The following ANGPT1 variants were observed in gnomAD, a reference collection of about 807,000 sequenced individuals.
The protein encoded by ANGPT1 is angiopoietin-1.
Under a neutral mutation model 62.2 loss-of-function variants are expected in ANGPT1, and 17 were observed. The observed-to-expected ratio is 0.27, with a 90% CI of 0.19 to 0.41. The LOEUF (loss-of-function observed/expected upper bound fraction) is 0.41, where lower values mean the gene tolerates loss of function less well. ANGPT1 is among the 10% of genes least tolerant of loss of function. The probability of loss-of-function intolerance (pLI) is 1.00; values close to 1 mark genes in which losing one functional copy is unlikely to be tolerated. For synonymous variants in ANGPT1, 199 were observed against 198.9 expected, an observed-to-expected ratio of 1.00 and a Z score of 0.00; for missense variants, 478 against 594.9, an observed-to-expected ratio of 0.80 and a Z score of 2.04.
intron 1 of ANGPT1, among the ~76,000 whole-genome samples, chr8:107,404,028 G>A (rs1402833831): frequency 3.3e-5 from 5 of 152,074 alleles, no homozygotes; most frequent in Non-Finnish European, 5.9e-5. Context: ...TAATATATTG[G>A]ATATATTGCT....
chr8:107,377,292 T>A (rs1298142043), intron 1 of ANGPT1, among the ~76,000 whole-genome samples: 1 of 152,200 alleles, frequency 6.6e-6, no homozygotes, highest in Non-Finnish European at 1.5e-5. Flanking sequence ...ATACTGGACA[T>A]TTTTTGGTGC....
chr8:107,264,141 A>G (rs1813559187), intron 8 of ANGPT1, 80 bp downstream of exon 8: 1 of 1,498,982 alleles, frequency 6.7e-7, no homozygotes. Context: ...CCATAAGATC[A>G]TACTCCTTTC....
chr8:107,332,002 G>A (rs1022651406), intron 3 of ANGPT1, among the ~76,000 whole-genome samples: 1 of 152,160 alleles, frequency 6.6e-6, no homozygotes, highest in African/African-American at 2.4e-5. Context: ...TTAAGTCAGA[G>A]ATGGGCGGGT....
chr8:107,250,312 T>A lies in ANGPT1; in HGVS notation c.*1543A>T, dbSNP rs1453471534. On this transcript the variant is annotated 3_prime_UTR_variant, in exon 9 of 9. Transcript: ENST00000517746. Reference sequence around the variant, plus strand: ...CTTCTTGATAAAATAATGCAGTAACTTCAAGCACCCCAAAAATTCACTTAA... The same window carrying A: ...CTTCTTGATAAAATAATGCAGTAACATCAAGCACCCCAAAAATTCACTTAA... The A allele has an allele frequency of 6.6e-6, 1 of 152,102 alleles. No individual in the cohort carries two copies. The highest frequency in any genetic ancestry group is 1.5e-5 in the Non-Finnish European group (1 of 67,976). 9.4% of individuals were successfully genotyped at this position (152,102 alleles called of 1,614,324 possible). A position where few individuals can be genotyped will look rare whatever the true frequency, so the allele number is the denominator to read the frequency against.
intron 3 of ANGPT1, among the ~76,000 whole-genome samples, chr8:107,324,215 A>ATATATG (rs1446823991): frequency 2.3e-4 from 33 of 144,824 alleles, no homozygotes; most frequent in Admixed American, 1.0e-3. Flanking sequence ...GTATATATAT[A>ATATATG]TGTGTGTGTG....
rs748858241 is a variant in ANGPT1 at position 107,497,408 on chromosome 8, C to A, written c.151G>T (p.Asp51Tyr). Residue 51 changes from aspartate to tyrosine, a missense_variant, in exon 1 of 9, where the codon GAT becomes TAT. Physicochemically the swap from Asp to Tyr is radical, Grantham distance 160. Coordinates refer to ENST00000517746, the MANE Select transcript of ANGPT1 (RefSeq NM_001146.5). ...CAYTFILPEH[D>Y]GNCRESTTDQ... Reference sequence around the variant, plus strand: ...GTCGTACTCTCACGACAGTTGCCATCGTGTTCTGGAAGAATGAAAGTGTAG... The same window carrying A: ...GTCGTACTCTCACGACAGTTGCCATAGTGTTCTGGAAGAATGAAAGTGTAG... The A allele has an allele frequency of 6.2e-7, 1 of 1,614,040 alleles. No individual in the cohort carries two copies. Among genetic ancestry groups the A allele is most frequent in the Non-Finnish European group, 8.5e-7 (1 of 1,180,034 alleles).
At chr8:107,395,242 T>C (rs1816912945) in intron 1 of ANGPT1, among the ~76,000 whole-genome samples, 1 of 152,188 alleles carries the variant, frequency 6.6e-6, no homozygotes, top group Non-Finnish European at 1.5e-5. Flanking sequence ...CTGGACTCCA[T>C]GACCTCTATG....
At chr8:107,352,724 C>T (rs1362120948) in intron 1 of ANGPT1, among the ~76,000 whole-genome samples, 4 of 152,054 alleles carry the variant, frequency 2.6e-5, no homozygotes, top group Non-Finnish European at 5.9e-5. Flanking sequence ...TTGACAAAGG[C>T]ATTGTTCACT....
At chr8:107,303,955 T>C (rs1814655289) in intron 4 of ANGPT1, among the ~76,000 whole-genome samples, 1 of 151,894 alleles carries the variant, frequency 6.6e-6, no homozygotes, top group African/African-American at 2.4e-5. Context: ...TTAACAATAA[T>C]TAGATTTGGG....
chr8:107,378,924 A>G (rs1816582351), intron 1 of ANGPT1, among the ~76,000 whole-genome samples: 1 of 53,416 alleles, frequency 1.9e-5, no homozygotes, highest in Non-Finnish European at 5.0e-5. Context: ...ATATATATAT[A>G]TACACATACA....
At chr8:107,374,482 G>A (rs897378633) in intron 1 of ANGPT1, among the ~76,000 whole-genome samples, 4 of 152,166 alleles carry the variant, frequency 2.6e-5, no homozygotes, top group African/African-American at 9.6e-5. Context: ...TCCTGCCCAA[G>A]GCAGCCAGCC....
chr8:107,257,870 G>GTTTTTTTTTTTTTTTTTTT lies in ANGPT1; in HGVS notation c.1337-5856_1337-5855insAAAAAAAAAAAAAAAAAAA, dbSNP rs750634420. On this transcript the variant is annotated intron_variant, in intron 8 of 8. Coordinates refer to ENST00000517746, the MANE Select transcript of ANGPT1 (RefSeq NM_001146.5). Reference sequence around the variant, plus strand: ...TATATCCTCTTCAGGCCAAGGACTTGTTTTTGTTTCTTTTTTGTTTGTTTG... The same window carrying GTTTTTTTTTTTTTTTTTTT: ...TATATCCTCTTCAGGCCAAGGACTTGTTTTTTTTTTTTTTTTTTTTTTTTGTTTCTTTTTTGTTTGTTTG... Among the ~76,000 whole-genome samples, 37 of 45,210 alleles carry GTTTTTTTTTTTTTTTTTTT rather than the reference G, an allele frequency of 8.2e-4. 2 individuals carry two copies. Among genetic ancestry groups the GTTTTTTTTTTTTTTTTTTT allele is most frequent in the South Asian group, 1.6e-3 (2 of 1,228 alleles). 29.7% of individuals were successfully genotyped at this position (45,210 alleles called of 152,430 possible).
At chr8:107,433,372 A>G (rs556087371) in intron 1 of ANGPT1, among the ~76,000 whole-genome samples, 1 of 152,318 alleles carries the variant, frequency 6.6e-6, no homozygotes, top group African/African-American at 2.4e-5. Flanking sequence ...CTAGGAAACC[A>G]TGGTTGCCTT....
chr8:107,351,708 T>C (rs1815936994), intron 1 of ANGPT1, among the ~76,000 whole-genome samples: 1 of 152,080 alleles, frequency 6.6e-6, no homozygotes, highest in African/African-American at 2.4e-5. Flanking sequence ...GGGCCAGGTA[T>C]GTGGAAAGTT....
intron 1 of ANGPT1, among the ~76,000 whole-genome samples, chr8:107,356,246 G>A (rs1166794440): frequency 6.6e-6 from 1 of 152,152 alleles, no homozygotes; most frequent in African/African-American, 2.4e-5. Context: ...TCGACTATGA[G>A]TCATTGTTTA....
At chr8:107,326,735 C>T (rs955459379) in intron 3 of ANGPT1, among the ~76,000 whole-genome samples, 1 of 152,126 alleles carries the variant, frequency 6.6e-6, no homozygotes, top group Non-Finnish European at 1.5e-5. Context: ...ACCTTTATCT[C>T]CTTTGATTCT....
intron 1 of ANGPT1, among the ~76,000 whole-genome samples, chr8:107,417,509 C>G (rs1810784823): frequency 6.6e-6 from 1 of 151,576 alleles, no homozygotes; most frequent in Admixed American, 6.6e-5. Flanking sequence ...CTTAAGTCTT[C>G]TTCAATCAAA....
intron 1 of ANGPT1, among the ~76,000 whole-genome samples, chr8:107,400,314 C>T (rs60123360): frequency 0.16 from 24,958 of 152,152 alleles, 2,778 homozygotes; most frequent in East Asian, 0.56. Flanking sequence ...CGTTCCATAA[C>T]AACAAGATGT....
intron 1 of ANGPT1, among the ~76,000 whole-genome samples, chr8:107,477,954 C>A (rs975284126): frequency 6.6e-6 from 1 of 151,272 alleles, no homozygotes; most frequent in Non-Finnish European, 1.5e-5. Flanking sequence ...AATAAATGAC[C>A]ATGACATGAG....
Sources: gnomAD v4.1 joint callset for allele counts (sites outside exome capture counted in the v4.1 genomes callset) on GRCh38, gnomAD v4.1.1 for gene constraint, MANE v1.5 for transcripts, NCBI Gene and HGNC (gene_info 2026-07-23, HGNC 2026-07-21) for gene names.